Variants in CDH23 observed in about 807,000 individuals in gnomAD.
The protein encoded by CDH23 is cadherin-23.
A neutral mutation model predicts 317.1 loss-of-function variants in CDH23; 189 were observed. The ratio of observed to expected loss-of-function variants is 0.60; its 90% confidence interval spans 0.53 to 0.67. The LOEUF (loss-of-function observed/expected upper bound fraction) is 0.67, where lower values mean the gene tolerates loss of function less well. CDH23 is among the 30% of genes least tolerant of loss of function. The pLI is 0.00. For synonymous variants in CDH23, 1,839 were observed against 1,876.8 expected (o/e 0.98, Z 0.52); for missense variants, 4,401 against 4,592.4 (o/e 0.96, Z 1.20).
At chr10:71,467,954 C>T (rs1017660843) in intron 3 of CDH23, among the ~76,000 whole-genome samples, 2 of 152,188 alleles carry the variant, frequency 1.3e-5, no homozygotes, top group African/African-American at 2.4e-5. Context: ...GGAGCTCTGG[C>T]CTACCCTAGC....
At chr10:71,664,401 G>A (rs1367927713) in intron 14 of CDH23, among the ~76,000 whole-genome samples, 2 of 152,168 alleles carry the variant, frequency 1.3e-5, no homozygotes, top group Non-Finnish European at 2.9e-5. Flanking sequence ...CTCACACCTC[G>A]AGAGCACCCA....
At position 71,807,325 on chromosome 10, in the gene CDH23, C is replaced by A. The variant is rs760484951; in HGVS notation, c.8227C>A (p.Arg2743Ser). Residue 2743 changes from arginine to serine, a missense_variant, in exon 58 of 70, where the codon CGC becomes AGC. Physicochemically the swap from Arg to Ser is moderately radical, Grantham distance 110. Transcript: ENST00000224721. Reference sequence around the variant, plus strand: ...GCTGACAGTGCCTGAGCACTCACCACGCGGCACCCTCGTGGGCAACGTGAC... The same window carrying A: ...GCTGACAGTGCCTGAGCACTCACCAAGCGGCACCCTCGTGGGCAACGTGAC... ...QLLTVPEHSPRGTLVGNVTGA... is the reference protein window; with the variant it reads ...QLLTVPEHSPSGTLVGNVTGA... 7 of 1,613,914 alleles carry A rather than the reference C, an allele frequency of 4.3e-6. No homozygotes were observed. The South Asian group carries it at 7.7e-5, about 18-fold the overall frequency.
chr10:71,403,467 TTCCTTCC>T (rs1564558679), intron 1 of CDH23, among the ~76,000 whole-genome samples: 15 of 63,074 alleles, frequency 2.4e-4, no homozygotes, highest in Non-Finnish European at 3.6e-4. Flanking sequence ...CCTTCCTTCC[TTCCTTCC>T]TTCCTTCCTT....
In CDH23 at chr10:71,706,909, A is replaced by G. The variant is rs1158243543; in HGVS notation, c.2966A>G (p.Asn989Ser). 1.2e-6 allele frequency: 2 copies of G among 1,601,538 alleles called. No homozygotes were observed. Among genetic ancestry groups the G allele is most frequent in the African/African-American group, 2.7e-5 (2 of 74,650 alleles). The stretch of plus-strand genomic sequence containing the variant: ...TTCTGCCCCGCAGTGCTGGATGTGA[A>G]CGACGAGACGCCCACCTTCTTCCCG... ...STLTIHVLDV[N>S]DETPTFFPAV... The change falls in exon 26 of 70, where the codon AAC (asparagine) becomes AGC (serine). Residue 989 changes from asparagine to serine, a missense_variant. Asn to Ser is a conservative substitution (Grantham distance 46, BLOSUM62 1). Transcript: ENST00000224721.
chr10:71,765,304 C>T (rs1161106310), intron 38 of CDH23, among the ~76,000 whole-genome samples: 2 of 152,270 alleles, frequency 1.3e-5, no homozygotes, highest in East Asian at 1.9e-4. Flanking sequence ...CACCAGCACA[C>T]ATACCTTGGG....
At chr10:71,489,594 GGTGTGTGTGTGTGT>G (rs34392048) in intron 3 of CDH23, among the ~76,000 whole-genome samples, 12 of 139,802 alleles carry the variant, frequency 8.6e-5, no homozygotes, top group African/African-American at 1.3e-4. Context: ...AGTGCCTCGG[GGTGTGTGTGTGTGT>G]GTGTGTGTGT....
At chr10:71,536,590 T>C (rs913284531) in intron 6 of CDH23, among the ~76,000 whole-genome samples, 3 of 151,992 alleles carry the variant, frequency 2.0e-5, no homozygotes, top group African/African-American at 7.3e-5. Context: ...GGGTTGTAGA[T>C]TGAATTTGGA....
intron 22 of CDH23, among the ~76,000 whole-genome samples, chr10:71,700,390 GA>G (rs952033595): frequency 2.8e-4 from 42 of 151,366 alleles, no homozygotes; most frequent in East Asian, 1.4e-3. Flanking sequence ...TCGTCTCAAA[GA>G]AAAAAAAATT....
chr10:71,544,304 G>C (rs556429134), intron 6 of CDH23, among the ~76,000 whole-genome samples: 2 of 152,306 alleles, frequency 1.3e-5, no homozygotes, highest in South Asian at 4.1e-4. Flanking sequence ...GAGAGAGTGG[G>C]CGGAAAACAA....
chr10:71,634,076 G>A (rs1862144531), intron 11 of CDH23, among the ~76,000 whole-genome samples: 1 of 152,262 alleles, frequency 6.6e-6, no homozygotes, highest in South Asian at 2.1e-4. Flanking sequence ...GAGCCAGGCA[G>A]CTGCAGATTG....
At chr10:71,755,393 C>G in intron 38 of CDH23, 1 of 1,613,294 alleles carries the variant, frequency 6.2e-7, no homozygotes, top group Non-Finnish European at 8.5e-7. Context: ...GCTTGTAGAC[C>G]AGGAGCAGGA....
intron 2 of CDH23, 121 bp downstream of exon 2, chr10:71,440,019 T>G (rs1849801269): frequency 1.3e-6 from 1 of 775,850 alleles, no homozygotes; most frequent in African/African-American, 1.7e-5. Context: ...ACTGTCTTAC[T>G]GTGTGACTGA....
At chr10:71,524,629 T>C (rs967682754) in intron 6 of CDH23, among the ~76,000 whole-genome samples, 2 of 152,098 alleles carry the variant, frequency 1.3e-5, no homozygotes, top group Non-Finnish European at 2.9e-5. Flanking sequence ...TGACCCCACA[T>C]GGAAAAGGGG....
chr10:71,589,303 A>G (rs1859300134), intron 9 of CDH23, among the ~76,000 whole-genome samples: 1 of 152,160 alleles, frequency 6.6e-6, no homozygotes, highest in African/African-American at 2.4e-5. Flanking sequence ...TATTTTTAGT[A>G]GAGACAGGGT....
rs185107560 is a variant in CDH23, at chr10:71,607,640, C to T, written c.833-7864C>T. On this transcript the variant is annotated intron_variant, in intron 9 of 69. Coordinates refer to ENST00000224721, the MANE Select transcript of CDH23 (RefSeq NM_022124.6). ...AGGTATGGCCAGGTGTGGTGGCTCA[C>T]GCCTGTAATCCCAGCACTTTTGGAG... Among the ~76,000 whole-genome samples, 33 of 152,302 alleles carry T rather than the reference C, an allele frequency of 2.2e-4. No homozygotes were observed. The East Asian group carries it at 4.6e-3, about 21-fold the overall frequency.
intron 8 of CDH23, among the ~76,000 whole-genome samples, chr10:71,575,020 C>T (rs933283623): frequency 1.3e-5 from 2 of 152,128 alleles, no homozygotes; most frequent in African/African-American, 4.8e-5. Flanking sequence ...TTTGCTCACA[C>T]ATACCCCCAT....
chr10:71,422,712 A>G (rs1297748594), intron 1 of CDH23, among the ~76,000 whole-genome samples: 1 of 152,130 alleles, frequency 6.6e-6, no homozygotes. Context: ...CTCCTTCCTC[A>G]CCACCTGCAT....
chr10:71,806,237 C>A lies in CDH23; in HGVS notation c.8134C>A (p.Leu2712Met). 6.3e-7 allele frequency: 1 copy of A among 1,575,794 alleles called. No homozygotes were observed. The change falls in exon 57 of 70, where the codon CTG becomes ATG. Residue 2712 changes from leucine (L) to methionine (M), a missense_variant. This residue lies in a region of CDH23 where 1,144 missense variants were observed against 1,138.2 expected (regional missense o/e 1.01). Transcript: ENST00000224721. The stretch of plus-strand genomic sequence containing the variant: ...GACTATGCAGCCGCTGCAGGTGGCC[C>A]TGGAGGACATCGATGACAACGAACC... ...YETMQPLQVA[L>M]EDIDDNEPLF...
In CDH23 at chr10:71,510,156, G is replaced by T; in HGVS notation, c.220G>T (p.Ala74Ser). The change falls in exon 4 of 70, where the codon GCC (alanine) becomes TCC (serine). Residue 74 changes from alanine to serine, a missense_variant. Transcript: ENST00000224721. ...PLVFGVSGEEASRFFAVEPDT... is the reference protein window; with the variant it reads ...PLVFGVSGEESSRFFAVEPDT... ...GGTGTTTGGCGTGTCTGGGGAGGAG[G>T]CCTCTCGCTTCTTTGCAGTGGAGCC... 1 of 1,613,974 alleles carries T rather than the reference G, an allele frequency of 6.2e-7. No individual in the cohort carries two copies. Among genetic ancestry groups the T allele is most frequent in the Non-Finnish European group, 8.5e-7 (1 of 1,179,884 alleles).
Sources: gnomAD v4.1 joint callset for allele counts (sites outside exome capture counted in the v4.1 genomes callset) on GRCh38, gnomAD v4.1.1 for gene constraint, gnomAD v4.1.1 regional missense constraint, MANE v1.5 for transcripts, NCBI Gene and HGNC (gene_info 2026-07-23, HGNC 2026-07-21) for gene names.